The following SCEL variants were observed in gnomAD, a reference collection of about 807,000 sequenced individuals.
SCEL encodes sciellin.
Under a neutral mutation model 117.6 loss-of-function variants are expected in SCEL, and 113 were observed. That is an observed-to-expected ratio of 0.96 (90% CI 0.83 to 1.12). The LOEUF (loss-of-function observed/expected upper bound fraction) is 1.12. SCEL is among the 50% of genes most tolerant of loss of function. The pLI, the probability that SCEL is intolerant of heterozygous loss-of-function variation, is 0.00. For synonymous variants in SCEL, 270 were observed against 256.2 expected (o/e 1.05, Z -0.51); for missense variants, 785 against 810.8 (o/e 0.97, Z 0.39).
chr13:77,631,181 G>T (rs982001102), intron 28 of SCEL, among the ~76,000 whole-genome samples: 15 of 152,070 alleles, frequency 9.9e-5, no homozygotes, highest in South Asian at 6.2e-4. Context: ...ATCTGGATAG[G>T]GGGCCCAGTA....
chr13:77,540,148 A>C (rs530111438), intron 1 of SCEL, among the ~76,000 whole-genome samples: 2 of 152,378 alleles, frequency 1.3e-5, no homozygotes, highest in East Asian at 3.9e-4. Flanking sequence ...CATGGATTAG[A>C]GAGATTACAT....
chr13:77,644,904 G>A lies in SCEL; in HGVS notation c.*630G>A, dbSNP rs1188460120. The A allele has an allele frequency of 1.3e-5, 2 of 152,126 alleles. No homozygotes were observed. Among genetic ancestry groups the A allele is most frequent in the African/African-American group, 4.8e-5 (2 of 41,388 alleles). The allele number at this position is 152,126 out of a possible 1,614,324, so 9.4% of individuals were successfully genotyped here. A position where few individuals can be genotyped will look rare whatever the true frequency, so the allele number is the denominator to read the frequency against. On this transcript the variant is annotated 3_prime_UTR_variant, in exon 33 of 33. Transcript: ENST00000349847. ...TCTAAAGCAGTTTTTAGAATCATTA[G>A]CTCTTTGGAAACATATATGCATACA...
intron 1 of SCEL, among the ~76,000 whole-genome samples, chr13:77,554,752 C>T (rs565364587): frequency 1.8e-4 from 28 of 152,268 alleles, no homozygotes; most frequent in African/African-American, 5.8e-4. Flanking sequence ...CATTCTCAGA[C>T]GTTGAACGTG....
rs1271972753 is a variant in SCEL at position 77,640,803 on chromosome 13, C to T, written c.1947+19C>T. On this transcript the variant is annotated intron_variant, in intron 31 of 32. Transcript: ENST00000349847. ...CTTTAAGGTAAGGATGTGTTTATTT[C>T]ACTTAATTAAATAAAAAATTGCATA... 1.6e-6 allele frequency: 2 copies of T among 1,217,592 alleles called. No individual in the cohort carries two copies. The highest frequency in any genetic ancestry group is 2.4e-5 in the East Asian group (1 of 42,150). The allele number at this position is 1,217,592 out of a possible 1,614,324, so 75.4% of individuals were successfully genotyped here. A position where few individuals can be genotyped will look rare whatever the true frequency, so the allele number is the denominator to read the frequency against.
intron 4 of SCEL, 78 bp downstream of exon 4, chr13:77,559,941 T>A: frequency 8.1e-7 from 1 of 1,235,978 alleles, no homozygotes. Context: ...TCAAGACAGC[T>A]GAATATTTGC....
chr13:77,616,942 A>C (rs2089097355), intron 24 of SCEL, among the ~76,000 whole-genome samples: 1 of 152,080 alleles, frequency 6.6e-6, no homozygotes, highest in Admixed American at 6.6e-5. Context: ...AACACTTTGA[A>C]AAATCACTAC....
Position 77,627,980 on chromosome 13 carries a change from TTC to T in SCEL, c.1665_1666del (p.His556CysfsTer3), listed in dbSNP as rs771228755. On this transcript the variant is annotated frameshift_variant, in exon 28 of 33. Coordinates refer to ENST00000349847, the MANE Select transcript of SCEL (RefSeq NM_144777.3). LOFTEE classifies it high-confidence loss of function. ...ACCTGGAAAATTTAATTGAAGTAAA[TTC>T]TCATGTGTCTGAAAACAAGAATGGA... ...QNLENLIEVNSHVSENKNGSS... is the reference protein window; with the variant it reads ...QNLENLIEVNXHVSENKNGSS... The T allele has an allele frequency of 4.0e-6, 6 of 1,508,926 alleles. No individual in the cohort carries two copies. Among genetic ancestry groups the T allele is most frequent in the African/African-American group, 1.4e-5 (1 of 72,670 alleles). 93.5% of individuals were successfully genotyped at this position (1,508,926 alleles called of 1,614,324 possible).
chr13:77,538,901 T>A (rs1381328797), intron 1 of SCEL, among the ~76,000 whole-genome samples: 1 of 152,198 alleles, frequency 6.6e-6, no homozygotes, highest in East Asian at 1.9e-4. Context: ...CCCAGGAGAC[T>A]GTGTCAATGT....
intron 30 of SCEL, among the ~76,000 whole-genome samples, chr13:77,638,090 G>A (rs1249359511): frequency 1.3e-5 from 2 of 152,154 alleles, no homozygotes; most frequent in Admixed American, 1.3e-4. Flanking sequence ...CTCACTCAAG[G>A]TAGAGATATT....
At chr13:77,553,510 A>G (rs1330389264) in intron 1 of SCEL, among the ~76,000 whole-genome samples, 1 of 152,172 alleles carries the variant, frequency 6.6e-6, no homozygotes, top group Non-Finnish European at 1.5e-5. Flanking sequence ...ACACTGCCAG[A>G]CAGAGGCAAA....
At chr13:77,593,280 GTGTGTGTGTGTGTGTGTC>G (rs1358086490) in intron 11 of SCEL, among the ~76,000 whole-genome samples, 1 of 112,246 alleles carries the variant, frequency 8.9e-6, no homozygotes, top group Admixed American at 8.6e-5. Context: ...GTGTGTGTGT[GTGTGTGTGTGTGTGTGTC>G]TGTGTGTGTG....
chr13:77,588,435 T>G (rs995801870), intron 9 of SCEL, among the ~76,000 whole-genome samples: 2 of 152,040 alleles, frequency 1.3e-5, no homozygotes, highest in Non-Finnish European at 2.9e-5. Flanking sequence ...TGAGGACAAA[T>G]AGAGAACTGC....
chr13:77,604,229 G>C (rs190303551), intron 18 of SCEL, 127 bp from the exon 19 acceptor site: 128 of 545,564 alleles, frequency 2.3e-4, no homozygotes, highest in Admixed American at 1.4e-3. Context: ...TTCTTTTAGA[G>C]CTTTAAAAAT....
chr13:77,566,665 A>G (rs1350900514), intron 5 of SCEL, among the ~76,000 whole-genome samples: 1 of 152,230 alleles, frequency 6.6e-6, no homozygotes, highest in African/African-American at 2.4e-5. Flanking sequence ...TTAACACACT[A>G]TAAGGTACTA....
Position 77,644,461 on chromosome 13 carries a change from A to G in SCEL, c.*187A>G, listed in dbSNP as rs1419452803. Reference sequence around the variant, plus strand: ...TAAGGTCACACACATAAAAAGAGCCATCTGGTCTCTGGCTAGAGTTAGCAA... The same window carrying G: ...TAAGGTCACACACATAAAAAGAGCCGTCTGGTCTCTGGCTAGAGTTAGCAA... On this transcript the variant is annotated 3_prime_UTR_variant, in exon 33 of 33. Coordinates refer to ENST00000349847, the MANE Select transcript of SCEL (RefSeq NM_144777.3). 6.8e-5 allele frequency: 40 copies of G among 586,588 alleles called. No individual in the cohort carries two copies. Among genetic ancestry groups the G allele is most frequent in the Non-Finnish European group, 3.5e-5 (12 of 339,184 alleles). 36.3% of individuals were successfully genotyped at this position (586,588 alleles called of 1,614,324 possible).
intron 27 of SCEL, among the ~76,000 whole-genome samples, chr13:77,618,347 AT>A (rs1243028095): frequency 6.6e-6 from 1 of 151,072 alleles, no homozygotes; most frequent in Admixed American, 6.6e-5. Flanking sequence ...TGCCCAGCAA[AT>A]TTTTTAAAAT....
At chr13:77,598,515 TG>T (rs976656903) in intron 13 of SCEL, among the ~76,000 whole-genome samples, 4 of 151,612 alleles carry the variant, frequency 2.6e-5, no homozygotes, top group Admixed American at 6.6e-5. Context: ...CAGGTGTGAG[TG>T]GGTGAGGAGA....
intron 18 of SCEL, among the ~76,000 whole-genome samples, chr13:77,603,936 C>G (rs567665587): frequency 6.6e-6 from 1 of 152,204 alleles, no homozygotes; most frequent in Admixed American, 6.5e-5. Context: ...CAACATTATT[C>G]TTACTACTTA....
chr13:77,592,562 CTTT>C (rs10693960), intron 11 of SCEL, among the ~76,000 whole-genome samples: 3 of 133,310 alleles, frequency 2.3e-5, no homozygotes, highest in Non-Finnish European at 1.6e-5. Context: ...CTTCTTCTTC[CTTT>C]TTTTTTTTTT....
Sources: allele counts gnomAD v4.1 joint callset (sites outside exome capture counted in the v4.1 genomes callset), GRCh38; gene constraint gnomAD v4.1.1; transcripts MANE v1.5; gene names NCBI Gene and HGNC (gene_info 2026-07-23, HGNC 2026-07-21).